Variants in WDR25 observed in about 807,000 individuals in gnomAD.
The protein encoded by WDR25 is WD repeat domain 25.
A neutral mutation model predicts 47.7 loss-of-function variants in WDR25; 35 were observed. The observed-to-expected ratio is 0.73, with a 90% CI of 0.56 to 0.97. The LOEUF is 0.97. Among genes scored for constraint, WDR25 ranks in the 50% least tolerant of loss-of-function variants. The pLI is 0.00. For missense variants in WDR25, 634 were observed against 704.7 expected, an observed-to-expected ratio of 0.90 and a Z score of 1.14; for synonymous variants, 248 against 278.9, an observed-to-expected ratio of 0.89 and a Z score of 1.10.
At chr14:100,480,997 G>T in intron 3 of WDR25, 1 of 433,578 alleles carries the variant, frequency 2.3e-6, no homozygotes, top group Non-Finnish European at 4.6e-6. Flanking sequence ...CCAAGGAAGA[G>T]CCCAAGAGGA....
intron 2 of WDR25, among the ~76,000 whole-genome samples, chr14:100,383,543 T>G (rs930945169): frequency 2.0e-5 from 3 of 152,222 alleles, no homozygotes; most frequent in African/African-American, 7.2e-5. Context: ...CCTCTGGAGT[T>G]CTCTCTCCTG....
chr14:100,503,629 C>T (rs1054521129), intron 4 of WDR25: 3 of 152,196 alleles, frequency 2.0e-5, no homozygotes, highest in African/African-American at 7.2e-5. Flanking sequence ...CCACTGGCAC[C>T]TAGGTAGGAG....
intron 2 of WDR25, among the ~76,000 whole-genome samples, chr14:100,384,488 C>T (rs1896975663): frequency 6.6e-6 from 1 of 152,190 alleles, no homozygotes; most frequent in Non-Finnish European, 1.5e-5. Flanking sequence ...CTTGCTGGGC[C>T]ACCAGGTTTG....
At chr14:100,459,673 AAAGACAGCCATCTAC>A (rs1401590177) in intron 2 of WDR25, among the ~76,000 whole-genome samples, 4 of 151,724 alleles carry the variant, frequency 2.6e-5, no homozygotes, top group African/African-American at 9.7e-5. Flanking sequence ...ATGTGAATAC[AAAGACAGCCATCTAC>A]AAGTCAAGGA....
At chr14:100,436,020 T>C (rs184977658) in intron 2 of WDR25, among the ~76,000 whole-genome samples, 1 of 152,342 alleles carries the variant, frequency 6.6e-6, no homozygotes, top group Admixed American at 6.5e-5. Context: ...TTGTCTTCTC[T>C]GTAATGGGGA....
intron 4 of WDR25, among the ~76,000 whole-genome samples, chr14:100,520,058 A>C (rs964434915): frequency 1.5e-5 from 2 of 135,194 alleles, no homozygotes; most frequent in Non-Finnish European, 3.0e-5. Flanking sequence ...ATATATGTAC[A>C]TATGTGTGTG....
At chr14:100,394,520 C>T (rs1470235739) in intron 2 of WDR25, among the ~76,000 whole-genome samples, 1 of 152,222 alleles carries the variant, frequency 6.6e-6, no homozygotes, top group African/African-American at 2.4e-5. Context: ...GCTGTCCAGC[C>T]ATCAGTTAAA....
chr14:100,407,750 A>G lies in WDR25; in HGVS notation c.822+26004A>G, dbSNP rs2140183567. 1 of 152,316 alleles carries G rather than the reference A, an allele frequency of 6.6e-6. No individual in the cohort carries two copies. Among genetic ancestry groups the G allele is most frequent in the East Asian group, 1.9e-4 (1 of 5,188 alleles). The allele number at this position is 152,316 out of a possible 1,614,324, so 9.4% of individuals were successfully genotyped here. On this transcript the variant is annotated intron_variant, in intron 2 of 6. Coordinates refer to ENST00000402312, the MANE Select transcript of WDR25 (RefSeq NM_001161476.3). The surrounding 1 kb of genome is among the most constrained non-coding windows in gnomAD (Gnocchi z 4.1). ...CTTCAGTGCCTAAACAGGCCCTGAC[A>G]CCCAGTTTGGCTAGGTTGAGTCTGG...
At chr14:100,427,705 A>C (rs1327331711) in intron 2 of WDR25, among the ~76,000 whole-genome samples, 1 of 152,210 alleles carries the variant, frequency 6.6e-6, no homozygotes, top group Non-Finnish European at 1.5e-5. Context: ...AGCTTGTTTT[A>C]AGGTACAAAT....
At chr14:100,481,562 TC>T (rs2140316091) in intron 3 of WDR25, among the ~76,000 whole-genome samples, 2 of 152,230 alleles carry the variant, frequency 1.3e-5, no homozygotes, top group African/African-American at 4.8e-5. Flanking sequence ...AGCTTAACAT[TC>T]CATACATGGG....
chr14:100,485,565 A>G (rs939950545), intron 4 of WDR25, among the ~76,000 whole-genome samples: 1 of 152,200 alleles, frequency 6.6e-6, no homozygotes, highest in Non-Finnish European at 1.5e-5. Context: ...TCACACAGCG[A>G]GGTGGCCTGG....
chr14:100,399,567 T>C (rs994276879), intron 2 of WDR25, among the ~76,000 whole-genome samples: 1 of 152,208 alleles, frequency 6.6e-6, no homozygotes, highest in African/African-American at 2.4e-5. Context: ...AATTCCCATC[T>C]TCTATGCCTT....
intron 4 of WDR25, among the ~76,000 whole-genome samples, chr14:100,501,143 C>T (rs958396589): frequency 5.3e-5 from 8 of 152,128 alleles, no homozygotes; most frequent in African/African-American, 1.7e-4. Context: ...GCCTGCACCT[C>T]GCTTCATGAT....
At chr14:100,432,810 A>G (rs1047439059) in intron 2 of WDR25, among the ~76,000 whole-genome samples, 6 of 152,236 alleles carry the variant, frequency 3.9e-5, no homozygotes, top group African/African-American at 1.2e-4. Flanking sequence ...ATGCGTTGTT[A>G]GACAGTGTTG....
At chr14:100,376,746 G>A in intron 1 of WDR25, 6 of 1,229,994 alleles carry the variant, frequency 4.9e-6, no homozygotes, top group Non-Finnish European at 6.1e-6. Flanking sequence ...GGGGCCTCCG[G>A]GGGGATCTGT....
At chr14:100,448,435 C>A (rs1595098357) in intron 2 of WDR25, among the ~76,000 whole-genome samples, 1 of 152,052 alleles carries the variant, frequency 6.6e-6, no homozygotes, top group Non-Finnish European at 1.5e-5. Context: ...ACACCTGGGC[C>A]CCAGGTGAGA....
At chr14:100,454,489 C>T in intron 2 of WDR25, 4 of 1,246,002 alleles carry the variant, frequency 3.2e-6, no homozygotes, top group Non-Finnish European at 3.2e-6. Context: ...CAGACTAACC[C>T]TCCCACAGCT....
chr14:100,469,494 G>C, intron 3 of WDR25, among the ~76,000 whole-genome samples: 1 of 152,228 alleles, frequency 6.6e-6, no homozygotes, highest in Non-Finnish European at 1.5e-5. Flanking sequence ...GTGCCTCCCA[G>C]TGGTGCATAG....
intron 2 of WDR25, among the ~76,000 whole-genome samples, chr14:100,456,557 AC>A (rs1473764289): frequency 6.6e-6 from 1 of 152,252 alleles, no homozygotes; most frequent in East Asian, 1.9e-4. Context: ...CATGGGCGAT[AC>A]AAAAAAGATC....
Sources: allele counts gnomAD v4.1 joint callset (sites outside exome capture counted in the v4.1 genomes callset), GRCh38; gene constraint gnomAD v4.1.1; non-coding constraint Gnocchi (gnomAD v3.1); transcripts MANE v1.5; gene names NCBI Gene and HGNC (gene_info 2026-07-23, HGNC 2026-07-21).